RIMS2: variants seen among roughly 807,000 people sequenced by gnomAD.
RIMS2 encodes the protein regulating synaptic membrane exocytosis protein 2.
RIMS2 carries 59 observed loss-of-function variants against 174.4 expected under a neutral mutation model. The observed-to-expected ratio is 0.34, with a 90% CI of 0.27 to 0.42. The LOEUF (loss-of-function observed/expected upper bound fraction) is 0.42, where lower values mean the gene tolerates loss of function less well. RIMS2 is among the 10% of genes least tolerant of loss of function. The pLI, the probability that RIMS2 is intolerant of heterozygous loss-of-function variation, is 1.00. For synonymous variants in RIMS2, 606 were observed against 572.5 expected, an observed-to-expected ratio of 1.06 and a Z score of -0.84; for missense variants, 1,620 against 1,666.3, an observed-to-expected ratio of 0.97 and a Z score of 0.48.
chr8:103,710,300 T>G (rs2097288480), intron 2 of RIMS2, among the ~76,000 whole-genome samples: 1 of 152,192 alleles, frequency 6.6e-6, no homozygotes, highest in African/African-American at 2.4e-5. Flanking sequence ...AATAATCTTT[T>G]GTTTTAATTT....
At chr8:104,084,437 C>CAAAAA (rs34285862) in intron 19 of RIMS2, among the ~76,000 whole-genome samples, 17,135 of 75,928 alleles carry the variant, frequency 0.23, 2,297 homozygotes, top group East Asian at 0.48. Context: ...GACTCTGTCT[C>CAAAAA]AAAAAAAAAA....
At chr8:103,524,776 C>A (rs770676952) in intron 1 of RIMS2, among the ~76,000 whole-genome samples, 3 of 152,140 alleles carry the variant, frequency 2.0e-5, no homozygotes, top group African/African-American at 7.2e-5. Flanking sequence ...GCTACCCCTG[C>A]CAGAACTGCA....
At chr8:103,647,895 GA>G (rs2096372910) in intron 1 of RIMS2, among the ~76,000 whole-genome samples, 2 of 113,678 alleles carry the variant, frequency 1.8e-5, no homozygotes, top group East Asian at 2.2e-4. Context: ...ATTTTTTTTT[GA>G]TTTTTTTTTT....
intron 1 of RIMS2, among the ~76,000 whole-genome samples, chr8:103,504,857 T>C (rs2130877094): frequency 6.8e-6 from 1 of 147,234 alleles, no homozygotes; most frequent in East Asian, 2.0e-4. Flanking sequence ...TTTTTTTTTT[T>C]TTTTTTTTGA....
intron 19 of RIMS2, among the ~76,000 whole-genome samples, chr8:104,121,278 C>T (rs191085473): frequency 1.9e-3 from 284 of 152,136 alleles, no homozygotes; most frequent in Non-Finnish European, 3.2e-3. Context: ...TAAGGAAGTG[C>T]AAATAAATAG....
chr8:103,526,597 A>G (rs1834090882), intron 1 of RIMS2, among the ~76,000 whole-genome samples: 1 of 152,228 alleles, frequency 6.6e-6, no homozygotes, highest in African/African-American at 2.4e-5. Flanking sequence ...AGAGCACTAT[A>G]CATCATGAAA....
intron 14 of RIMS2, among the ~76,000 whole-genome samples, chr8:103,948,686 G>A (rs2084447920): frequency 6.6e-6 from 1 of 152,174 alleles, no homozygotes; most frequent in African/African-American, 2.4e-5. Flanking sequence ...GACACTGACT[G>A]AAAATGGGTG....
chr8:103,906,096 G>A (rs1293145480), intron 4 of RIMS2, among the ~76,000 whole-genome samples: 5 of 151,868 alleles, frequency 3.3e-5, no homozygotes, highest in Non-Finnish European at 7.4e-5. Flanking sequence ...ACTATTATTA[G>A]GTCTATAATA....
At chr8:104,145,392 C>G (rs967676467) in intron 19 of RIMS2, among the ~76,000 whole-genome samples, 1 of 151,934 alleles carries the variant, frequency 6.6e-6, no homozygotes, top group Admixed American at 6.6e-5. Flanking sequence ...TAATGTAATA[C>G]GTCTTTTCCT....
At chr8:103,902,438 A>G (rs1037983975) in intron 4 of RIMS2, among the ~76,000 whole-genome samples, 8 of 152,144 alleles carry the variant, frequency 5.3e-5, no homozygotes, top group African/African-American at 1.9e-4. Flanking sequence ...AGCCATGAAT[A>G]CCATGAGGTG....
rs373196692 is a variant in RIMS2, at chr8:103,748,571, C to T, written c.388-17656C>T. On this transcript the variant is annotated intron_variant, in intron 2 of 23. Transcript: ENST00000504942. Reference sequence around the variant, plus strand: ...TCCTTCTTTAAAAATTTCTTCTCTGCAAGGTCGTTCTGGTGATTTCCATAT... The same window carrying T: ...TCCTTCTTTAAAAATTTCTTCTCTGTAAGGTCGTTCTGGTGATTTCCATAT... Among the ~76,000 whole-genome samples, 18 of 152,140 alleles carry T rather than the reference C, an allele frequency of 1.2e-4. 1 individual carries two copies. Among genetic ancestry groups the T allele is most frequent in the African/African-American group, 4.1e-4 (17 of 41,400 alleles).
intron 15 of RIMS2, among the ~76,000 whole-genome samples, chr8:103,970,539 G>C (rs1309344495): frequency 1.3e-5 from 2 of 152,182 alleles, no homozygotes; most frequent in East Asian, 1.9e-4. Flanking sequence ...AATATTGTAA[G>C]AGACCTCAAT....
chr8:104,127,108 C>A (rs2098438142), intron 19 of RIMS2, among the ~76,000 whole-genome samples: 1 of 151,766 alleles, frequency 6.6e-6, no homozygotes, highest in South Asian at 2.1e-4. Context: ...TAAATAATAC[C>A]CTGCTTTTAC....
chr8:103,611,437 A>G (rs1172834806), intron 1 of RIMS2, among the ~76,000 whole-genome samples: 1 of 151,460 alleles, frequency 6.6e-6, no homozygotes, highest in Non-Finnish European at 1.5e-5. Flanking sequence ...GCCCATTAAC[A>G]TTTGTGTTTT....
chr8:103,977,352 A>G (rs1384622475), intron 16 of RIMS2: 1 of 152,246 alleles, frequency 6.6e-6, no homozygotes, highest in East Asian at 1.9e-4. Context: ...ACACTTATCA[A>G]TAGAATAACG....
intron 3 of RIMS2, among the ~76,000 whole-genome samples, chr8:103,772,171 A>G (rs979826958): frequency 7.2e-4 from 110 of 152,118 alleles, no homozygotes; most frequent in Admixed American, 4.1e-3. Flanking sequence ...ATTTACTATT[A>G]TGCAATAGGC....
At chr8:103,534,569 G>C (rs1838918840) in intron 1 of RIMS2, among the ~76,000 whole-genome samples, 1 of 151,876 alleles carries the variant, frequency 6.6e-6, no homozygotes, top group Admixed American at 6.6e-5. Flanking sequence ...GTACGTATTT[G>C]TATTTCCTAT....
At chr8:103,909,865 A>G (rs1284207315) in intron 4 of RIMS2, among the ~76,000 whole-genome samples, 5 of 151,908 alleles carry the variant, frequency 3.3e-5, no homozygotes, top group Admixed American at 1.3e-4. Flanking sequence ...TCTGTTTATT[A>G]TTAGCTTTTT....
chr8:103,582,156 G>T (rs1195274175), intron 1 of RIMS2, among the ~76,000 whole-genome samples: 1 of 152,118 alleles, frequency 6.6e-6, no homozygotes, highest in African/African-American at 2.4e-5. Flanking sequence ...CCTAGCTCCA[G>T]GATGACATTT....
Sources: gnomAD v4.1 joint callset for allele counts (sites outside exome capture counted in the v4.1 genomes callset) on GRCh38, gnomAD v4.1.1 for gene constraint, MANE v1.5 for transcripts, NCBI Gene and HGNC (gene_info 2026-07-23, HGNC 2026-07-21) for gene names.